KYAT1: variants seen among roughly 807,000 people sequenced by gnomAD.
KYAT1 encodes kynurenine aminotransferase 1.
A neutral mutation model predicts 52.4 loss-of-function variants in KYAT1; 47 were observed. That is an observed-to-expected ratio of 0.90 (90% CI 0.71 to 1.14). KYAT1 has a LOEUF of 1.14. Among genes scored for constraint, KYAT1 ranks in the 50% most tolerant of loss-of-function variants. The pLI is 0.00. For synonymous variants in KYAT1, 212 were observed against 209.6 expected (o/e 1.01, Z -0.10); for missense variants, 480 against 557.9 (o/e 0.86, Z 1.41).
At chr9:128,875,339 C>T (rs934184416) in intron 1 of KYAT1, among the ~76,000 whole-genome samples, 1 of 147,320 alleles carries the variant, frequency 6.8e-6, no homozygotes, top group Non-Finnish European at 1.5e-5. Flanking sequence ...GGCTCACTGG[C>T]GTGGTGGCTC....
chr9:128,836,989 G>C (rs972247773), intron 6 of KYAT1, 67 bp from the exon 7 acceptor site: 64 of 1,572,230 alleles, frequency 4.1e-5, no homozygotes, highest in Non-Finnish European at 5.0e-5. Flanking sequence ...GGCCTACTCA[G>C]AGAGGTTAAA....
At chr9:128,842,156 G>A in intron 3 of KYAT1, 1 of 321,218 alleles carries the variant, frequency 3.1e-6, no homozygotes, top group South Asian at 2.4e-5. Context: ...TCGCACCATT[G>A]CACTCCAGCC....
chr9:128,835,721 C>A (rs1292487568), intron 9 of KYAT1, 54 bp from the exon 10 acceptor site: 1 of 1,602,832 alleles, frequency 6.2e-7, no homozygotes, highest in Non-Finnish European at 8.5e-7. Context: ...GACGCGGGGG[C>A]CAGCCTGGGC....
chr9:128,866,636 G>A (rs1201968392), intron 1 of KYAT1, among the ~76,000 whole-genome samples: 2 of 151,640 alleles, frequency 1.3e-5, no homozygotes, highest in Admixed American at 1.3e-4. Flanking sequence ...GTCGCCGGGC[G>A]CAGTGGCTCA....
At chr9:128,846,623 AAAGAAAG>A in intron 1 of KYAT1, 1 of 1,020,182 alleles carries the variant, frequency 9.8e-7, no homozygotes, top group Non-Finnish European at 1.3e-6. Context: ...AAAAAAAAAA[AAAGAAAG>A]AAAGAAATTG....
intron 5 of KYAT1, 80 bp downstream of exon 5, chr9:128,837,970 CT>C (rs2118994730): frequency 6.5e-7 from 1 of 1,533,466 alleles, no homozygotes; most frequent in African/African-American, 1.4e-5. Flanking sequence ...CACTTCTTTC[CT>C]CCTTTTCCAA....
Position 128,836,302 on chromosome 9 carries a change from G to GT in KYAT1, c.689-230dup, listed in dbSNP as rs71497420. 8.3e-3 allele frequency among the ~76,000 whole-genome samples: 769 copies of GT among 93,012 alleles called. 8 individuals are homozygous for GT. Among genetic ancestry groups the GT allele is most frequent in the African/African-American group, 0.033 (650 of 19,436 alleles). 61.0% of individuals were successfully genotyped at this position (93,012 alleles called of 152,430 possible). On this transcript the variant is annotated intron_variant, in intron 7 of 12. Coordinates refer to ENST00000302586, the MANE Select transcript of KYAT1 (RefSeq NM_004059.5). ...CCCTCCACCCCCCATTTCTTTCTTT[G>GT]TTTTTTTTTTTTTTGAGATGGAGTC...
intron 6 of KYAT1, 125 bp from the exon 7 acceptor site, chr9:128,837,047 A>G: frequency 4.0e-6 from 5 of 1,263,070 alleles, no homozygotes; most frequent in Non-Finnish European, 5.4e-6. Flanking sequence ...TAATCCTAGC[A>G]CTTTGGGAGG....
At chr9:128,837,011 C>A (rs1182510490) in intron 6 of KYAT1, 89 bp from the exon 7 acceptor site, 8 of 1,502,830 alleles carry the variant, frequency 5.3e-6, no homozygotes, top group Non-Finnish European at 8.9e-7. Context: ...AACACAGCTG[C>A]GGCCAGGTGC....
chr9:128,859,701 C>A (rs113595912), intron 1 of KYAT1, among the ~76,000 whole-genome samples: 5 of 150,620 alleles, frequency 3.3e-5, no homozygotes, highest in East Asian at 2.0e-4. Flanking sequence ...CAGGCTGGAG[C>A]GCAGTGGCGC....
intron 1 of KYAT1, among the ~76,000 whole-genome samples, chr9:128,876,487 A>G (rs1172898881): frequency 1.4e-5 from 2 of 140,506 alleles, no homozygotes; most frequent in Non-Finnish European, 3.0e-5. Flanking sequence ...GCGTGATCTC[A>G]GCTAACTGGA....
chr9:128,864,380 A>C (rs2130712401), intron 1 of KYAT1, among the ~76,000 whole-genome samples: 1 of 151,808 alleles, frequency 6.6e-6, no homozygotes, highest in African/African-American at 2.4e-5. Flanking sequence ...AAAAAAAAAA[A>C]AAAAAAGTTT....
Position 128,835,680 on chromosome 9 carries a change from G to T in KYAT1, c.856-13C>A, listed in dbSNP as rs1830937685. 1 of 1,608,524 alleles carries T rather than the reference G, an allele frequency of 6.2e-7. No individual in the cohort carries two copies. Among genetic ancestry groups the T allele is most frequent in the South Asian group, 1.1e-5 (1 of 90,906 alleles). On this transcript the variant is annotated splice_polypyrimidine_tract_variant and intron_variant, in intron 9 of 12. Coordinates refer to ENST00000302586, the MANE Select transcript of KYAT1 (RefSeq NM_004059.5). ...CGGCTACTGCAGCCTGGGCAGGGCA[G>T]ATGGACACACAGATAGATCAGCTGT... is the stretch of plus-strand genomic sequence containing the variant.
chr9:128,852,500 G>C (rs1321964257), intron 1 of KYAT1, among the ~76,000 whole-genome samples: 2 of 152,218 alleles, frequency 1.3e-5, no homozygotes, highest in African/African-American at 4.8e-5. Context: ...CAAGTTTTCA[G>C]ATTGTTATGT....
chr9:128,880,117 G>T (rs771784518), intron 1 of KYAT1, among the ~76,000 whole-genome samples: 4 of 152,172 alleles, frequency 2.6e-5, no homozygotes, highest in Non-Finnish European at 2.9e-5. Context: ...AACATTCACT[G>T]TCTACAACTG....
intron 1 of KYAT1, chr9:128,847,596 GC>G: frequency 9.4e-7 from 1 of 1,060,460 alleles, no homozygotes; most frequent in South Asian, 1.5e-5. Context: ...AACAGCCCTG[GC>G]CAGAAAATGC....
chr9:128,845,724 C>T (rs1198221251), intron 1 of KYAT1, among the ~76,000 whole-genome samples: 1 of 152,166 alleles, frequency 6.6e-6, no homozygotes, highest in African/African-American at 2.4e-5. Flanking sequence ...CCTGACTTGG[C>T]CAGGTTAAAG....
chr9:128,874,404 C>G (rs182994210), intron 1 of KYAT1, among the ~76,000 whole-genome samples: 3 of 150,232 alleles, frequency 2.0e-5, no homozygotes, highest in Admixed American at 2.0e-4. Context: ...CTCAACCTAC[C>G]GGGCTCAGGA....
At chr9:128,846,997 C>T (rs1588084260) in intron 1 of KYAT1, 2 of 776,950 alleles carry the variant, frequency 2.6e-6, no homozygotes, top group East Asian at 5.5e-5. Flanking sequence ...GGCTCAGGTA[C>T]CTGCCCAGGG....
Sources: allele counts gnomAD v4.1 joint callset (sites outside exome capture counted in the v4.1 genomes callset), GRCh38; gene constraint gnomAD v4.1.1; transcripts MANE v1.5; gene names NCBI Gene and HGNC (gene_info 2026-07-23, HGNC 2026-07-21).